MAP1A: variants seen among roughly 807,000 people sequenced by gnomAD.
MAP1A encodes the protein microtubule associated protein 1A, also known as microtubule-associated protein 1A.
A neutral mutation model predicts 185.9 loss-of-function variants in MAP1A; 42 were observed. That is an observed-to-expected ratio of 0.23 (90% CI 0.18 to 0.29). The LOEUF (loss-of-function observed/expected upper bound fraction) is 0.29. MAP1A is among the 10% of genes least tolerant of loss of function. The probability of loss-of-function intolerance (pLI) is 1.00; values close to 1 mark genes in which losing one functional copy is unlikely to be tolerated. For missense variants in MAP1A, 2,995 were observed against 3,450.4 expected (o/e 0.87, Z 3.31); for synonymous variants, 1,229 against 1,335.9 (o/e 0.92, Z 1.74).
In MAP1A at chr15:43,525,094, G is replaced by A; in HGVS notation, c.3621G>A (p.Glu1207=). 1 of 1,614,172 alleles carries A rather than the reference G, an allele frequency of 6.2e-7. No individual in the cohort carries two copies. Among genetic ancestry groups the A allele is most frequent in the South Asian group, 1.1e-5 (1 of 91,082 alleles). The change falls in exon 4 of 6, where the codon GAG becomes GAA. Residue 1207 remains glutamate, a synonymous_variant. Coordinates refer to ENST00000300231, the MANE Select transcript of MAP1A (RefSeq NM_002373.6). Reference sequence around the variant, plus strand: ...TGTCAGAAGAGAGTCCCAGCAAGGAGACCTCCCTGGATGTCTCTTCTAAGC... The same window carrying A: ...TGTCAGAAGAGAGTCCCAGCAAGGAAACCTCCCTGGATGTCTCTTCTAAGC... ...LSLSEESPSK[E]TSLDVSSKQL...
Position 43,527,788 on chromosome 15 carries a change from T to C in MAP1A, c.6315T>C (p.Thr2105=). 1 of 1,613,676 alleles carries C rather than the reference T, an allele frequency of 6.2e-7. No homozygotes were observed. Among genetic ancestry groups the C allele is most frequent in the Non-Finnish European group, 8.5e-7 (1 of 1,179,866 alleles). The change falls in exon 4 of 6, where the codon ACT becomes ACC. Residue 2105 remains threonine, a synonymous_variant. Coordinates refer to ENST00000300231, the MANE Select transcript of MAP1A (RefSeq NM_002373.6). ...ESGRSHWDDS[T]SDSELEKGAR... is the part of the protein sequence containing the mutation. ...GCCGGAGTCACTGGGATGACAGCACTAGTGACTCAGAACTGGAGAAGGGGG... is the reference window on the plus strand; with the variant it reads ...GCCGGAGTCACTGGGATGACAGCACCAGTGACTCAGAACTGGAGAAGGGGG...
intron 1 of MAP1A, among the ~76,000 whole-genome samples, chr15:43,519,990 A>AC (rs2079313204): frequency 1.3e-5 from 2 of 152,202 alleles, no homozygotes; most frequent in Admixed American, 1.3e-4. Context: ...CATGTGTATT[A>AC]GTGCGGGCTT....
In MAP1A at chr15:43,525,571, T is replaced by C. The variant is rs1454925748; in HGVS notation, c.4098T>C (p.Val1366=). The C allele has an allele frequency of 3.1e-6, 5 of 1,613,988 alleles. No homozygotes were observed. The highest frequency in any genetic ancestry group is 4.2e-6 in the Non-Finnish European group (5 of 1,180,028). ...AGGAACCTGAGCCAAAGGATGAAGT[T>C]TTACAGCAGAAAGACAAAACTCTGG... ...QKKEPEPKDE[V]LQQKDKTLEH... The change falls in exon 4 of 6, where the codon GTT becomes GTC. Residue 1366 remains valine, a synonymous_variant. Transcript: ENST00000300231.
Position 43,521,589 on chromosome 15 carries a change from G to A in MAP1A, c.116G>A (p.Cys39Tyr). 6.2e-7 allele frequency: 1 copy of A among 1,614,148 alleles called. No homozygotes were observed. Among genetic ancestry groups the A allele is most frequent in the Non-Finnish European group, 8.5e-7 (1 of 1,180,034 alleles). ...SGGFLKLSKP[C>Y]CYIFPGGRGD... ...GGCTTCCTCAAGCTCTCCAAGCCTT[G>A]TTGCTACATCTTCCCAGGTGGTCGT... Residue 39 changes from cysteine (C) to tyrosine (Y), a missense_variant, in exon 4 of 6, where the codon TGT (cysteine) becomes TAT (tyrosine). This residue lies in a region of MAP1A where 264 missense variants were observed against 435.3 expected (regional missense o/e 0.61). Coordinates refer to ENST00000300231, the MANE Select transcript of MAP1A (RefSeq NM_002373.6). This position sits in a 1 kb window ranked among gnomAD's most constrained non-coding sequence, Gnocchi z 4.6.
At chr15:43,520,827 C>T (rs971936289) in intron 2 of MAP1A, 104 bp downstream of exon 2, 1 of 1,312,534 alleles carries the variant, frequency 7.6e-7, no homozygotes, top group East Asian at 2.5e-5. Flanking sequence ...TCTCTGCCAT[C>T]TAAGCTGACG....
Position 43,521,355 on chromosome 15 carries a change from G to A in MAP1A, c.-119G>A, listed in dbSNP as rs533814163. ...CAATTGCTCAGCAATAGAGACCCTGGGATACAGGCCTTCCTTACCGTGTCC... is the reference window on the plus strand; with the variant it reads ...CAATTGCTCAGCAATAGAGACCCTGAGATACAGGCCTTCCTTACCGTGTCC... On this transcript the variant is annotated 5_prime_UTR_variant, in exon 4 of 6. Coordinates refer to ENST00000300231, the MANE Select transcript of MAP1A (RefSeq NM_002373.6). This position sits in a 1 kb window ranked among gnomAD's most constrained non-coding sequence, Gnocchi z 4.6. 6.2e-7 allele frequency: 1 copy of A among 1,612,952 alleles called. No homozygotes were observed. Among genetic ancestry groups the A allele is most frequent in the Admixed American group, 1.7e-5 (1 of 59,982 alleles).
In MAP1A at chr15:43,527,985, C is replaced by T. The variant is rs771996240; in HGVS notation, c.6512C>T (p.Ser2171Phe). 4 of 1,613,662 alleles carry T rather than the reference C, an allele frequency of 2.5e-6. No individual in the cohort carries two copies. The highest frequency in any genetic ancestry group is 3.4e-6 in the Non-Finnish European group (4 of 1,179,752). Residue 2171 changes from serine (S) to phenylalanine (F), a missense_variant, in exon 4 of 6, where the codon TCC becomes TTC. This residue lies in a region of MAP1A where 2,728 missense variants were observed against 2,986.0 expected (regional missense o/e 0.91). Transcript: ENST00000300231. ...TTCCCTGCTTCAGCCTTTGGCTTCTCCTCATTGCAGCCAGCTCCCCCACAG... is the reference window on the plus strand; with the variant it reads ...TTCCCTGCTTCAGCCTTTGGCTTCTTCTCATTGCAGCCAGCTCCCCCACAG... ...LDFPASAFGF[S>F]SLQPAPPQLP...
chr15:43,525,397 G>T lies in MAP1A; in HGVS notation c.3924G>T (p.Ala1308=), dbSNP rs371287783. 4 of 1,613,996 alleles carry T rather than the reference G, an allele frequency of 2.5e-6. No homozygotes were observed. The highest frequency in any genetic ancestry group is 1.1e-5 in the South Asian group (1 of 91,088). The part of the protein sequence containing the change: ...PSGNGKYLPG[A]ITSPDEHILT... The stretch of plus-strand genomic sequence containing the variant: ...GAAATGGGAAGTACTTACCTGGGGC[G>T]ATCACAAGCCCTGATGAACACATTC... The change falls in exon 4 of 6, where the codon GCG becomes GCT. Residue 1308 remains alanine (A), a synonymous_variant. Transcript: ENST00000300231.
At chr15:43,513,007 G>A (rs541712145), upstream of MAP1A, among the ~76,000 whole-genome samples, 105 of 152,278 alleles carry the variant, frequency 6.9e-4, 2 homozygotes, top group South Asian at 0.022. Flanking sequence ...TGTCTGTGAG[G>A]TGACTACGGA....
rs576672217 is a variant in MAP1A, at chr15:43,530,356, G to A, written c.*132G>A. On this transcript the variant is annotated 3_prime_UTR_variant, in exon 6 of 6. Transcript: ENST00000300231. ...GGGAGATGTCTTGTTGTGGGGACTTGGGCTGGGCTAAATGGGAGGGGTTGT... is the reference window on the plus strand; with the variant it reads ...GGGAGATGTCTTGTTGTGGGGACTTAGGCTGGGCTAAATGGGAGGGGTTGT... 4.5e-5 allele frequency: 53 copies of A among 1,189,020 alleles called. 3 individuals are homozygous for A. The South Asian group carries it at 7.6e-4, about 17-fold the overall frequency. 73.7% of individuals were successfully genotyped at this position (1,189,020 alleles called of 1,614,324 possible).
chr15:43,529,290 G>A lies in MAP1A; in HGVS notation c.7817G>A (p.Gly2606Glu), dbSNP rs965231962. Residue 2606 changes from glycine (G) to glutamate (E), a missense_variant, in exon 4 of 6, where the codon GGG becomes GAG. Gly to Glu is a moderately conservative substitution (Grantham distance 98). This residue lies in a region of MAP1A where 2,728 missense variants were observed against 2,986.0 expected (regional missense o/e 0.91). Transcript: ENST00000300231. The surrounding 1 kb of genome is among the most constrained non-coding windows in gnomAD (Gnocchi z 4.3). The part of the protein sequence containing the change: ...REKEKVQGRV[G>E]RRAPGKAKPA... Reference sequence around the variant, plus strand: ...AAGGAAAAGGTTCAGGGGCGAGTAGGGCGCAGGGCCCCAGGCAAGGCCAAG... The same window carrying A: ...AAGGAAAAGGTTCAGGGGCGAGTAGAGCGCAGGGCCCCAGGCAAGGCCAAG... 1.2e-6 allele frequency: 2 copies of A among 1,613,998 alleles called. No individual in the cohort carries two copies. The highest frequency in any genetic ancestry group is 1.7e-6 in the Non-Finnish European group (2 of 1,180,006).
chr15:43,522,223 G>A lies in MAP1A; in HGVS notation c.750G>A (p.Leu250=). Residue 250 remains leucine (L), a synonymous_variant, in exon 4 of 6, where the codon CTG becomes CTA. Transcript: ENST00000300231. This position sits in a 1 kb window ranked among gnomAD's most constrained non-coding sequence, Gnocchi z 5.9. ...CCTACCTTACCTCTATCACTGCTCT[G>A]GTGGTCTGGCTACCAGCCAATCCCA... ...SVPYLTSITA[L]VVWLPANPTE... is the part of the protein sequence containing the mutation. 1 of 1,614,214 alleles carries A rather than the reference G, an allele frequency of 6.2e-7. No homozygotes were observed. The highest frequency in any genetic ancestry group is 8.5e-7 in the Non-Finnish European group (1 of 1,180,042).
chr15:43,511,014 G>T (rs895668171), exon 1 of MAP1A: 1 of 1,546,264 alleles, frequency 6.5e-7, no homozygotes, highest in Non-Finnish European at 8.7e-7. Flanking sequence ...GAGCCTGCGC[G>T]GCCTCACGGC....
In MAP1A at chr15:43,521,109, C is replaced by T. The variant is rs1375105203; in HGVS notation, c.-154C>T. ...ACTTTGCCCAGGTCCTTCACAACCC[C>T]GAGGTAAGTTCCATGCCAGAGTGTC... On this transcript the variant is annotated 5_prime_UTR_variant, in exon 3 of 6. Transcript: ENST00000300231. The surrounding 1 kb of genome is among the most constrained non-coding windows in gnomAD (Gnocchi z 4.6). The T allele has an allele frequency of 2.6e-6, 4 of 1,545,952 alleles. No homozygotes were observed. Among genetic ancestry groups the T allele is most frequent in the East Asian group, 2.4e-5 (1 of 40,920 alleles).
chr15:43,515,815 CTCTT>C (rs568962788), upstream of MAP1A, among the ~76,000 whole-genome samples: 357 of 152,324 alleles, frequency 2.3e-3, 4 homozygotes, highest in African/African-American at 8.1e-3. Context: ...GCTCAAGCCT[CTCTT>C]TCTTCTTTGG....
In MAP1A at chr15:43,523,661, G is replaced by A. The variant is rs1217081419; in HGVS notation, c.2188G>A (p.Glu730Lys). The A allele has an allele frequency of 2.5e-6, 4 of 1,613,926 alleles. No individual in the cohort carries two copies. The highest frequency in any genetic ancestry group is 4.5e-5 in the East Asian group (2 of 44,894). The change falls in exon 4 of 6, where the codon GAG (glutamate) becomes AAG (lysine). Residue 730 changes from glutamate to lysine, a missense_variant. By Grantham distance (56) the Glu-to-Lys change is moderately conservative. Coordinates refer to ENST00000300231, the MANE Select transcript of MAP1A (RefSeq NM_002373.6). ...CCTGACCACACCTGCAGGAGCCACT[G>A]AGCATGTCTCTTACATCCAGGATGA... The part of the protein sequence containing the change: ...SSLTTPAGAT[E>K]HVSYIQDETI...
At chr15:43,518,500 T>TC (rs979264829) in intron 1 of MAP1A, among the ~76,000 whole-genome samples, 4 of 151,824 alleles carry the variant, frequency 2.6e-5, no homozygotes, top group Non-Finnish European at 2.9e-5. Context: ...TCTCTCTGCA[T>TC]CCCCCCATCC....
chr15:43,521,193 A>G lies in MAP1A; in HGVS notation c.-151+81A>G. 1 of 1,484,276 alleles carries G rather than the reference A, an allele frequency of 6.7e-7. No homozygotes were observed. Among genetic ancestry groups the G allele is most frequent in the Non-Finnish European group, 8.9e-7 (1 of 1,120,272 alleles). 91.9% of individuals were successfully genotyped at this position (1,484,276 alleles called of 1,614,324 possible). A position where few individuals can be genotyped will look rare whatever the true frequency, so the allele number is the denominator to read the frequency against. On this transcript the variant is annotated intron_variant, in intron 3 of 5. Coordinates refer to ENST00000300231, the MANE Select transcript of MAP1A (RefSeq NM_002373.6). This position sits in a 1 kb window ranked among gnomAD's most constrained non-coding sequence, Gnocchi z 4.6. ...GATCTAAGGGAAAGTCTCATATTGC[A>G]TGACCATGGGGGGCCCTGGCAGAAA... is the stretch of plus-strand genomic sequence containing the variant.
Position 43,529,756 on chromosome 15 carries a change from A to G in MAP1A, c.8142A>G (p.Arg2714=). Residue 2714 remains arginine (R), a synonymous_variant, in exon 5 of 6, where the codon CGA becomes CGG. Transcript: ENST00000300231. The surrounding 1 kb of genome is among the most constrained non-coding windows in gnomAD (Gnocchi z 4.3). ...CTGCTGACCTTGACTTCTTCCGTCG[A>G]GTGCGTGCATCCTACTATGTGGTCA... ...GKTADLDFFR[R]VRASYYVVSG... The G allele has an allele frequency of 6.2e-7, 1 of 1,614,194 alleles. No homozygotes were observed.
Sources: gnomAD v4.1 joint callset for allele counts (sites outside exome capture counted in the v4.1 genomes callset) on GRCh38, gnomAD v4.1.1 for gene constraint, gnomAD v4.1.1 regional missense constraint, Gnocchi (gnomAD v3.1) non-coding constraint, MANE v1.5 for transcripts, NCBI Gene and HGNC (gene_info 2026-07-23, HGNC 2026-07-21) for gene names.